Variants in GRIK1 observed in about 807,000 individuals in gnomAD.
GRIK1 encodes glutamate receptor ionotropic, kainate 1.
In GRIK1, 69 loss-of-function variants were observed where a neutral mutation model predicts 105.7. The ratio of observed to expected loss-of-function variants is 0.65; its 90% confidence interval spans 0.54 to 0.80. The LOEUF (loss-of-function observed/expected upper bound fraction) is 0.80, where lower values mean the gene tolerates loss of function less well. Among genes scored for constraint, GRIK1 ranks in the 30% least tolerant of loss-of-function variants. The pLI is 0.00. For synonymous variants in GRIK1, 438 were observed against 431.3 expected (o/e 1.02, Z -0.19); for missense variants, 1,109 against 1,167.3 (o/e 0.95, Z 0.73).
chr21:29,613,928 G>A (rs3026018), intron 7 of GRIK1, among the ~76,000 whole-genome samples: 8,374 of 152,152 alleles, frequency 0.055, 313 homozygotes, highest in Admixed American at 0.1. Flanking sequence ...TATATTGTAG[G>A]CAAGGGAGAT....
Position 29,939,459 on chromosome 21 carries a change from G to A in GRIK1, c.42C>T (p.Thr14=). Residue 14 remains threonine, a synonymous_variant, in exon 1 of 18, where the codon ACC becomes ACT. Transcript: ENST00000327783. ...GTLLAQPGLW[T]RDTSWALLYF... The stretch of plus-strand genomic sequence containing the variant: ...AGAGGAGTGCCCAGCTGGTGTCCCT[G>A]GTCCAGAGCCCGGGCTGGGCGAGGA... 1 of 1,601,276 alleles carries A rather than the reference G, an allele frequency of 6.2e-7. No homozygotes were observed. Among genetic ancestry groups the A allele is most frequent in the Non-Finnish European group, 8.5e-7 (1 of 1,173,810 alleles).
At chr21:29,878,120 C>T (rs191343447) in intron 1 of GRIK1, among the ~76,000 whole-genome samples, 46 of 151,866 alleles carry the variant, frequency 3.0e-4, no homozygotes, top group Non-Finnish European at 6.0e-4. Context: ...TGAATGAGAG[C>T]GGAGAGATTA....
chr21:29,931,755 A>C (rs1457429944), intron 1 of GRIK1, among the ~76,000 whole-genome samples: 1 of 152,154 alleles, frequency 6.6e-6, no homozygotes, highest in South Asian at 2.1e-4. Context: ...CTCTCAGCAG[A>C]CAGAGCAAGG....
rs142929137 is a variant in GRIK1, at chr21:29,708,282, C to T, written c.119-14219G>A. On this transcript the variant is annotated intron_variant, in intron 1 of 17. Transcript: ENST00000327783. ...TATTTATACCTCTGTAATTTTAAAT[C>T]ACTTGTTCCTCCTGTCTTTTGCCTT... 3.7e-3 allele frequency among the ~76,000 whole-genome samples: 559 copies of T among 152,284 alleles called. 1 individual carries two copies. Among genetic ancestry groups the T allele is most frequent in the African/African-American group, 0.013 (535 of 41,560 alleles).
At chr21:29,900,318 A>G (rs964838824) in intron 1 of GRIK1, among the ~76,000 whole-genome samples, 1 of 152,084 alleles carries the variant, frequency 6.6e-6, no homozygotes, top group Non-Finnish European at 1.5e-5. Flanking sequence ...AAATGCCCCA[A>G]TTAAAAGACA....
intron 1 of GRIK1, among the ~76,000 whole-genome samples, chr21:29,900,263 A>G (rs917868223): frequency 6.6e-5 from 10 of 152,124 alleles, no homozygotes; most frequent in Admixed American, 5.9e-4. Context: ...TAATGACAGG[A>G]TCAAATTCAC....
chr21:29,900,774 T>C lies in GRIK1; in HGVS notation c.118+38609A>G, dbSNP rs377043319. Among the ~76,000 whole-genome samples the C allele has an allele frequency of 1.6e-4, 25 of 152,294 alleles. No individual in the cohort carries two copies. The East Asian group carries it at 2.1e-3, about 13-fold the overall frequency. ...GATATCCAGGACTTGAACTCAGCTC[T>C]GGACCAAGCAGACCTAATAGACATC... On this transcript the variant is annotated intron_variant, in intron 1 of 17. Transcript: ENST00000327783.
At chr21:29,653,427 T>C (rs1395359088) in intron 5 of GRIK1, among the ~76,000 whole-genome samples, 1 of 152,010 alleles carries the variant, frequency 6.6e-6, no homozygotes, top group African/African-American at 2.4e-5. Context: ...GCAGAATGAG[T>C]GTTAGGGGTG....
chr21:29,617,210 T>G (rs562883506), intron 7 of GRIK1, among the ~76,000 whole-genome samples: 20 of 152,220 alleles, frequency 1.3e-4, no homozygotes, highest in Non-Finnish European at 2.4e-4. Context: ...ACACACATCC[T>G]GGGAGCAATC....
At chr21:29,652,790 A>T (rs527948382) in intron 5 of GRIK1, among the ~76,000 whole-genome samples, 2 of 152,364 alleles carry the variant, frequency 1.3e-5, no homozygotes, top group African/African-American at 2.4e-5. Context: ...CTGAAAGTGC[A>T]TTGCAAGACA....
intron 1 of GRIK1, among the ~76,000 whole-genome samples, chr21:29,723,020 A>G (rs2064361046): frequency 6.6e-6 from 1 of 152,180 alleles, no homozygotes; most frequent in Admixed American, 6.5e-5. Flanking sequence ...ATAAAAAGAT[A>G]CTGAAAAATA....
chr21:29,709,464 A>C (rs912131466), intron 1 of GRIK1, among the ~76,000 whole-genome samples: 1 of 151,862 alleles, frequency 6.6e-6, no homozygotes, highest in Non-Finnish European at 1.5e-5. Context: ...TGTTTTTAGT[A>C]GAGATGGGGT....
At chr21:29,853,006 CT>C (rs561000466) in intron 1 of GRIK1, among the ~76,000 whole-genome samples, 60 of 152,264 alleles carry the variant, frequency 3.9e-4, no homozygotes, top group Non-Finnish European at 8.2e-4. Context: ...AACATATCTT[CT>C]CACTCTTAAA....
At chr21:29,904,823 A>G (rs1293332227) in intron 1 of GRIK1, among the ~76,000 whole-genome samples, 6 of 152,162 alleles carry the variant, frequency 3.9e-5, no homozygotes, top group Non-Finnish European at 8.8e-5. Context: ...AACACTTCTC[A>G]GTGGAGTCCT....
intron 1 of GRIK1, among the ~76,000 whole-genome samples, chr21:29,867,522 C>T (rs974100874): frequency 3.3e-5 from 5 of 151,866 alleles, no homozygotes; most frequent in African/African-American, 4.8e-5. Flanking sequence ...GGGCCAGGCA[C>T]GGTGGCTCAT....
chr21:29,735,010 T>A (rs2064753054), intron 1 of GRIK1, among the ~76,000 whole-genome samples: 1 of 152,160 alleles, frequency 6.6e-6, no homozygotes. Flanking sequence ...CCTATCCAAG[T>A]CAGAGCACAC....
At chr21:29,741,003 G>A (rs998695720) in intron 1 of GRIK1, among the ~76,000 whole-genome samples, 1 of 152,314 alleles carries the variant, frequency 6.6e-6, no homozygotes, top group African/African-American at 2.4e-5. Context: ...TACTGCTCTT[G>A]TTTCTCTCAG....
chr21:29,799,633 G>C (rs896670300), intron 1 of GRIK1, among the ~76,000 whole-genome samples: 1 of 152,216 alleles, frequency 6.6e-6, no homozygotes, highest in Non-Finnish European at 1.5e-5. Context: ...GGGTTCCAGC[G>C]ATTCTCTTGC....
chr21:29,828,009 C>G (rs1248492419), intron 1 of GRIK1, among the ~76,000 whole-genome samples: 1,079 of 68,408 alleles, frequency 0.016, 14 homozygotes, highest in African/African-American at 0.031. Context: ...CTCTGTCTCT[C>G]TCTGTGTGTG....
Sources: allele counts gnomAD v4.1 joint callset (sites outside exome capture counted in the v4.1 genomes callset), GRCh38; gene constraint gnomAD v4.1.1; transcripts MANE v1.5; gene names NCBI Gene and HGNC (gene_info 2026-07-23, HGNC 2026-07-21).